SMC1B: variants seen among roughly 807,000 people sequenced by gnomAD.
SMC1B encodes structural maintenance of chromosomes 1B, also known as structural maintenance of chromosomes protein 1B.
A neutral mutation model predicts 157.9 loss-of-function variants in SMC1B; 60 were observed. The ratio of observed to expected loss-of-function variants is 0.38; its 90% CI spans 0.31 to 0.47. The LOEUF (loss-of-function observed/expected upper bound fraction) is 0.47, where lower values mean the gene tolerates loss of function less well. Ranked by LOEUF, SMC1B falls within the 20% of genes least tolerant of loss-of-function variation. SMC1B has a pLI of 0.99. For synonymous variants in SMC1B, 445 were observed against 483.0 expected, an observed-to-expected ratio of 0.92 and a Z score of 1.03; for missense variants, 1,165 against 1,426.2, an observed-to-expected ratio of 0.82 and a Z score of 2.95.
chr22:45,396,535 GA>G, intron 6 of SMC1B, 49 bp from the exon 7 acceptor site: 6 of 1,534,770 alleles, frequency 3.9e-6, no homozygotes, highest in Non-Finnish European at 5.3e-6. Flanking sequence ...AGAAGCATGA[GA>G]GCAAATTTCT....
chr22:45,363,712 T>TAAA (rs58375998), intron 15 of SMC1B, among the ~76,000 whole-genome samples: 8 of 151,922 alleles, frequency 5.3e-5, no homozygotes, highest in African/African-American at 9.7e-5. Context: ...AATTCTTTTT[T>TAAA]AAAAAAGAAA....
chr22:45,344,583 G>T lies in SMC1B; in HGVS notation c.3681C>A (p.Ser1227Arg). 6.2e-7 allele frequency: 1 copy of T among 1,614,012 alleles called. No homozygotes were observed. Among genetic ancestry groups the T allele is most frequent in the Non-Finnish European group, 8.5e-7 (1 of 1,179,874 alleles). The change falls in exon 25 of 25, where the codon AGC becomes AGA. Residue 1227 changes from serine to arginine, a missense_variant. By Grantham distance (110) the Ser-to-Arg change is moderately radical. Transcript: ENST00000357450. ...SQYPDTEGQE[S>R]SKRHGESR is the part of the protein sequence containing the mutation. Reference sequence around the variant, plus strand: ...AGCGGGACTCTCCGTGTCTCTTGCTGCTTTCTTGGCCTTCAGTGTCTGGAT... The same window carrying T: ...AGCGGGACTCTCCGTGTCTCTTGCTTCTTTCTTGGCCTTCAGTGTCTGGAT...
intron 10 of SMC1B, 56 bp downstream of exon 10, chr22:45,389,656 T>A (rs1314623459): frequency 3.4e-6 from 5 of 1,484,896 alleles, no homozygotes; most frequent in Non-Finnish European, 4.6e-6. Context: ...ATAAGATCAT[T>A]CTTTAAAAGA....
At position 45,354,941 on chromosome 22, in the gene SMC1B, G is replaced by T; in HGVS notation, c.3118+18C>A. ...CACCCATGAATATAATCTTGTTAGT[G>T]ACTACACTCAATTTTACCATCTGTG... On this transcript the variant is annotated intron_variant, in intron 20 of 24. Transcript: ENST00000357450. 6.2e-7 allele frequency: 1 copy of T among 1,611,604 alleles called. No homozygotes were observed. The highest frequency in any genetic ancestry group is 8.5e-7 in the Non-Finnish European group (1 of 1,177,822).
At position 45,353,108 on chromosome 22, in the gene SMC1B, A is replaced by C. The variant is rs2086630623; in HGVS notation, c.3274-506T>G. ...CAACATGGTGAAACCCTGTCTCTACAAAAAATACAAAAATTAGCCAGGCTT... is the reference window on the plus strand; with the variant it reads ...CAACATGGTGAAACCCTGTCTCTACCAAAAATACAAAAATTAGCCAGGCTT... On this transcript the variant is annotated intron_variant, in intron 21 of 24. Coordinates refer to ENST00000357450, the MANE Select transcript of SMC1B (RefSeq NM_148674.5). Among the ~76,000 whole-genome samples the C allele has an allele frequency of 2.6e-5, 4 of 151,924 alleles. No individual in the cohort carries two copies. In the South Asian group the frequency reaches 8.3e-4, roughly 32 times the overall value.
At chr22:45,367,298 C>T (rs1257611558) in intron 15 of SMC1B, among the ~76,000 whole-genome samples, 1 of 151,862 alleles carries the variant, frequency 6.6e-6, no homozygotes, top group African/African-American at 2.4e-5. Context: ...TTCTTTTTTC[C>T]CCGCTGATAG....
intron 23 of SMC1B, among the ~76,000 whole-genome samples, chr22:45,347,600 A>G (rs1170105780): frequency 6.6e-6 from 1 of 152,082 alleles, no homozygotes; most frequent in Non-Finnish European, 1.5e-5. Flanking sequence ...CAGAATGCCA[A>G]TTTATTTCTT....
chr22:45,373,271 G>A (rs1401497934), intron 12 of SMC1B, among the ~76,000 whole-genome samples: 3 of 152,088 alleles, frequency 2.0e-5, no homozygotes, highest in African/African-American at 7.2e-5. Context: ...CCTTAACCTT[G>A]GCAAAATAAA....
At chr22:45,400,752 T>C (rs2087182865) in intron 5 of SMC1B, among the ~76,000 whole-genome samples, 1 of 152,170 alleles carries the variant, frequency 6.6e-6, no homozygotes, top group African/African-American at 2.4e-5. Context: ...ACATCAACAG[T>C]GATACCATGT....
chr22:45,369,277 T>C (rs968131503), intron 15 of SMC1B, among the ~76,000 whole-genome samples: 3 of 151,892 alleles, frequency 2.0e-5, no homozygotes, highest in Admixed American at 1.3e-4. Context: ...TTTGTATTTT[T>C]AGTAGAGACG....
intron 12 of SMC1B, among the ~76,000 whole-genome samples, chr22:45,378,988 TTTTTC>T: frequency 6.6e-6 from 1 of 152,340 alleles, no homozygotes; most frequent in African/African-American, 2.4e-5. Context: ...GTTTTTTTCT[TTTTTC>T]TTTTCTTTTG....
intron 11 of SMC1B, 67 bp downstream of exon 11, chr22:45,386,800 G>T: frequency 7.3e-7 from 1 of 1,366,048 alleles, no homozygotes; most frequent in Non-Finnish European, 1.0e-6. Context: ...GTGTGTGTTT[G>T]TGTATGCTAG....
intron 11 of SMC1B, 128 bp downstream of exon 11, chr22:45,386,739 T>C (rs547566066): frequency 1.0e-3 from 794 of 769,768 alleles, no homozygotes; most frequent in Non-Finnish European, 1.2e-3. Context: ...TTAGGTTCTA[T>C]GTTGGTTCTC....
intron 11 of SMC1B, among the ~76,000 whole-genome samples, chr22:45,385,732 A>G (rs2146818602): frequency 6.6e-6 from 1 of 152,212 alleles, no homozygotes; most frequent in African/African-American, 2.4e-5. Context: ...ATGTTAGTGC[A>G]GTTAATTAGG....
At position 45,406,338 on chromosome 22, in the gene SMC1B, G is replaced by C. The variant is rs188016406; in HGVS notation, c.615+122C>G. ...AAAAAGTTTATCTTAATGAATATTG[G>C]GCTTTAATTGTCTTATACTATTAAA... is the stretch of plus-strand genomic sequence containing the variant. On this transcript the variant is annotated intron_variant, in intron 4 of 24. Coordinates refer to ENST00000357450, the MANE Select transcript of SMC1B (RefSeq NM_148674.5). The C allele has an allele frequency of 6.6e-5, 49 of 740,788 alleles. No individual in the cohort carries two copies. In the Admixed American group the frequency reaches 1.6e-3, roughly 24 times the overall value. The allele number at this position is 740,788 out of a possible 1,614,324, so 45.9% of individuals were successfully genotyped here.
intron 15 of SMC1B, among the ~76,000 whole-genome samples, chr22:45,365,441 C>G (rs1201757421): frequency 6.6e-6 from 1 of 152,162 alleles, no homozygotes; most frequent in African/African-American, 2.4e-5. Context: ...TGGTGGCTCA[C>G]ACCTGTAATC....
rs566589468 is a variant in SMC1B, at chr22:45,386,586, A to AACT, written c.1911+280_1911+281insAGT. On this transcript the variant is annotated intron_variant, in intron 11 of 24. Transcript: ENST00000357450. ...ATATAAGGTTTAAAACAACAACAAC[A>AACT]ACAACAACAACTAACTGCTTTAAGA... Among the ~76,000 whole-genome samples, 57 of 152,088 alleles carry AACT rather than the reference A, an allele frequency of 3.7e-4. No individual in the cohort carries two copies. In the South Asian group the frequency reaches 7.9e-3, roughly 21 times the overall value.
chr22:45,358,481 T>A (rs1007865473), intron 19 of SMC1B, among the ~76,000 whole-genome samples: 8 of 152,208 alleles, frequency 5.3e-5, no homozygotes, highest in Admixed American at 3.3e-4. Context: ...CCATTTGGTA[T>A]TCAAAGAATT....
intron 1 of SMC1B, among the ~76,000 whole-genome samples, chr22:45,409,610 A>AAATAAATAAAT (rs141154746): frequency 1.4e-4 from 5 of 34,550 alleles, no homozygotes; most frequent in African/African-American, 7.0e-4. Context: ...ATAAATAAAT[A>AAATAAATAAAT]AAAACAAGAG....
Sources: allele counts gnomAD v4.1 joint callset (sites outside exome capture counted in the v4.1 genomes callset), GRCh38; gene constraint gnomAD v4.1.1; transcripts MANE v1.5; gene names NCBI Gene and HGNC (gene_info 2026-07-23, HGNC 2026-07-21).